The following MAP7 variants were observed in gnomAD, a reference collection of about 807,000 sequenced individuals.
MAP7 encodes ensconsin.
Under a neutral mutation model 94.8 loss-of-function variants are expected in MAP7, and 52 were observed. The ratio of observed to expected loss-of-function variants is 0.55; its 90% CI spans 0.44 to 0.69. The LOEUF (loss-of-function observed/expected upper bound fraction) is 0.69. MAP7 is among the 30% of genes least tolerant of loss of function. The probability of loss-of-function intolerance (pLI) is 0.00; values close to 1 mark genes in which losing one functional copy is unlikely to be tolerated. For synonymous variants in MAP7, 350 were observed against 357.0 expected, an observed-to-expected ratio of 0.98 and a Z score of 0.22; for missense variants, 940 against 964.6, an observed-to-expected ratio of 0.97 and a Z score of 0.34.
intron 1 of MAP7, among the ~76,000 whole-genome samples, chr6:136,535,053 T>A (rs1828769928): frequency 6.6e-6 from 1 of 152,148 alleles, no homozygotes; most frequent in Non-Finnish European, 1.5e-5. Context: ...ATTGATACAG[T>A]TTGGATGCTT....
At chr6:136,480,893 A>C (rs1222373845) in intron 1 of MAP7, among the ~76,000 whole-genome samples, 2 of 152,188 alleles carry the variant, frequency 1.3e-5, no homozygotes, top group African/African-American at 4.8e-5. Flanking sequence ...ATAATAATGA[A>C]TATGTAAGGA....
chr6:136,356,856 C>T, intron 15 of MAP7, 62 bp from the exon 16 acceptor site: 1 of 1,335,686 alleles, frequency 7.5e-7, no homozygotes. Flanking sequence ...GACCTAACCT[C>T]CAAGAGCCAG....
intron 3 of MAP7, among the ~76,000 whole-genome samples, chr6:136,402,363 A>T (rs918489239): frequency 6.6e-6 from 1 of 152,240 alleles, no homozygotes; most frequent in Non-Finnish European, 1.5e-5. Flanking sequence ...AGTGATTCAC[A>T]CTGGGCTTTG....
intron 3 of MAP7, among the ~76,000 whole-genome samples, chr6:136,397,873 G>C (rs935593412): frequency 5.3e-5 from 8 of 152,166 alleles, no homozygotes; most frequent in Admixed American, 3.9e-4. Flanking sequence ...CTCCGTAAAA[G>C]AACAGTATGT....
At chr6:136,525,842 T>C (rs1827669934) in intron 1 of MAP7, 7 of 1,535,016 alleles carry the variant, frequency 4.6e-6, no homozygotes, top group East Asian at 4.9e-5. Flanking sequence ...CTTTTGGTCT[T>C]CTGGAATTTC....
Position 136,539,635 on chromosome 6 carries a change from C to T in MAP7, c.67+10707G>A, listed in dbSNP as rs146892420. On this transcript the variant is annotated intron_variant, in intron 1 of 17. Coordinates refer to ENST00000354570, the MANE Select transcript of MAP7 (RefSeq NM_003980.6). ...AGCCCTCCCAGAAAAAGCTTCAAAT[C>T]ACAAAAGATGGCACCACAAAACCTC... 5.3e-3 allele frequency among the ~76,000 whole-genome samples: 813 copies of T among 152,240 alleles called. 4 individuals carry two copies. Among genetic ancestry groups the T allele is most frequent in the Middle Eastern group, 0.014 (4 of 294 alleles).
chr6:136,483,047 T>C (rs1813408376), intron 1 of MAP7, among the ~76,000 whole-genome samples: 1 of 151,730 alleles, frequency 6.6e-6, no homozygotes, highest in Non-Finnish European at 1.5e-5. Flanking sequence ...GAGAGATGTA[T>C]TCCTTTTGTT....
chr6:136,497,482 T>G (rs546112903), intron 1 of MAP7, among the ~76,000 whole-genome samples: 1 of 151,394 alleles, frequency 6.6e-6, no homozygotes, highest in Non-Finnish European at 1.5e-5. Flanking sequence ...AAAATGCATA[T>G]TCCCTGCATT....
intron 2 of MAP7, among the ~76,000 whole-genome samples, chr6:136,418,087 A>C (rs1010832938): frequency 8.5e-5 from 13 of 152,232 alleles, no homozygotes; most frequent in African/African-American, 3.1e-4. Context: ...GTAACTTTAC[A>C]AACTGTCTGT....
intron 3 of MAP7, among the ~76,000 whole-genome samples, chr6:136,405,568 C>T (rs1303237669): frequency 6.6e-6 from 1 of 152,158 alleles, no homozygotes; most frequent in African/African-American, 2.4e-5. Context: ...AGGGCTGAGC[C>T]ATGGTAAGGG....
chr6:136,505,752 A>C (rs1478598178), intron 1 of MAP7, among the ~76,000 whole-genome samples: 1 of 152,122 alleles, frequency 6.6e-6, no homozygotes, highest in Non-Finnish European at 1.5e-5. Context: ...GCAAATCTGC[A>C]CATGTACCCC....
rs370436385 is a variant in MAP7 at position 136,550,403 on chromosome 6, C to T, written c.6G>A (p.Ala2=). The part of the protein sequence containing the change: M[A]ELGAGGDGHR... ...GGCCGTCGCCGCCAGCTCCTAGCTC[C>T]GCCATGGTGCTCCGATGACGCGCCC... Residue 2 remains alanine, a synonymous_variant, in exon 1 of 18, where the codon GCG becomes GCA. Coordinates refer to ENST00000354570, the MANE Select transcript of MAP7 (RefSeq NM_003980.6). The surrounding 1 kb of genome is among the most constrained non-coding windows in gnomAD (Gnocchi z 5.1). 251 of 1,524,886 alleles carry T rather than the reference C, an allele frequency of 1.6e-4. No homozygotes were observed. The highest frequency in any genetic ancestry group is 8.6e-4 in the Middle Eastern group (5 of 5,792). The allele number at this position is 1,524,886 out of a possible 1,614,324, so 94.5% of individuals were successfully genotyped here.
intron 13 of MAP7, 69 bp downstream of exon 13, chr6:136,360,628 C>T: frequency 7.2e-7 from 1 of 1,388,962 alleles, no homozygotes; most frequent in Non-Finnish European, 1.0e-6. Flanking sequence ...TTTCTGACGG[C>T]CAGGGCTAGT....
At chr6:136,428,974 A>C (rs929264033) in intron 1 of MAP7, among the ~76,000 whole-genome samples, 1 of 152,214 alleles carries the variant, frequency 6.6e-6, no homozygotes, top group Non-Finnish European at 1.5e-5. Flanking sequence ...AAAAAATAAG[A>C]AAATGTATTC....
At chr6:136,541,141 G>A (rs1257760144) in intron 1 of MAP7, among the ~76,000 whole-genome samples, 1 of 152,140 alleles carries the variant, frequency 6.6e-6, no homozygotes. Context: ...CTTGGGTCAG[G>A]AGCTTCTGAG....
In MAP7 at chr6:136,388,487, C is replaced by T. The variant is rs1190752503; in HGVS notation, c.432G>A (p.Arg144=). The part of the protein sequence containing the change: ...EDKERHEAVV[R]RTMERSQKPK... ...GCTTCTGGCTCCTTTCCATTGTGCGCCGTACAACAGCTTCGTGGCGTTCCT... is the reference window on the plus strand; with the variant it reads ...GCTTCTGGCTCCTTTCCATTGTGCGTCGTACAACAGCTTCGTGGCGTTCCT... Residue 144 remains arginine, a synonymous_variant, in exon 5 of 18, where the codon CGG becomes CGA. Transcript: ENST00000354570. 2 of 1,614,086 alleles carry T rather than the reference C, an allele frequency of 1.2e-6. No individual in the cohort carries two copies. The highest frequency in any genetic ancestry group is 8.5e-7 in the Non-Finnish European group (1 of 1,179,990).
At chr6:136,437,380 T>C (rs914972697) in intron 1 of MAP7, among the ~76,000 whole-genome samples, 2 of 152,128 alleles carry the variant, frequency 1.3e-5, no homozygotes, top group Non-Finnish European at 2.9e-5. Flanking sequence ...AGAAGCCAAA[T>C]AGATTTGTTG....
At chr6:136,480,124 T>C (rs1287929995) in intron 1 of MAP7, among the ~76,000 whole-genome samples, 1 of 152,154 alleles carries the variant, frequency 6.6e-6, no homozygotes, top group Non-Finnish European at 1.5e-5. Flanking sequence ...CAAAATAGCA[T>C]GGTACTGGCA....
At chr6:136,446,703 A>T (rs1799474547) in intron 1 of MAP7, among the ~76,000 whole-genome samples, 1 of 152,216 alleles carries the variant, frequency 6.6e-6, no homozygotes, top group Non-Finnish European at 1.5e-5. Flanking sequence ...TGGAGATTCC[A>T]AGGATTTCAG....
Sources: gnomAD v4.1 joint callset for allele counts (sites outside exome capture counted in the v4.1 genomes callset) on GRCh38, gnomAD v4.1.1 for gene constraint, Gnocchi (gnomAD v3.1) non-coding constraint, MANE v1.5 for transcripts, NCBI Gene and HGNC (gene_info 2026-07-23, HGNC 2026-07-21) for gene names.